Variants in MECOM observed in about 807,000 individuals in gnomAD.
MECOM encodes MDS1 and EVI1 complex locus, also known as histone-lysine N-methyltransferase MECOM.
In MECOM, 13 loss-of-function variants were observed where a neutral mutation model predicts 116.3. The ratio of observed to expected loss-of-function variants is 0.11; its 90% CI spans 0.07 to 0.18. The LOEUF (loss-of-function observed/expected upper bound fraction) is 0.18. MECOM is among the 10% of genes least tolerant of loss of function. The probability of loss-of-function intolerance (pLI) is 1.00; values close to 1 mark genes in which losing one functional copy is unlikely to be tolerated. For synonymous variants in MECOM, 528 were observed against 535.2 expected (o/e 0.99, Z 0.19); for missense variants, 1,299 against 1,509.0 (o/e 0.86, Z 2.31).
chr3:169,512,371 C>T (rs1756081165), intron 1 of MECOM, among the ~76,000 whole-genome samples: 1 of 152,194 alleles, frequency 6.6e-6, no homozygotes, highest in Non-Finnish European at 1.5e-5. Flanking sequence ...ATTGTTCAGA[C>T]TTAGCCCTAT....
intron 1 of MECOM, among the ~76,000 whole-genome samples, chr3:169,500,306 A>T (rs1222775680): frequency 1.3e-5 from 2 of 152,024 alleles, no homozygotes; most frequent in African/African-American, 2.4e-5. Context: ...AAATAGGTAC[A>T]TACTCCTGTA....
intron 1 of MECOM, among the ~76,000 whole-genome samples, chr3:169,574,558 C>A (rs1764266345): frequency 6.6e-6 from 1 of 152,232 alleles, no homozygotes; most frequent in African/African-American, 2.4e-5. Context: ...TGAATGGCAT[C>A]ATTCCAAGCA....
At chr3:169,640,562 G>A (rs775368730) in intron 1 of MECOM, among the ~76,000 whole-genome samples, 6 of 152,218 alleles carry the variant, frequency 3.9e-5, no homozygotes, top group Non-Finnish European at 8.8e-5. Flanking sequence ...TCTGTAAGGG[G>A]TGGTGGTAAC....
At chr3:169,231,308 C>A (rs1163400827) in intron 2 of MECOM, among the ~76,000 whole-genome samples, 1 of 152,086 alleles carries the variant, frequency 6.6e-6, no homozygotes, top group African/African-American at 2.4e-5. Context: ...CCTACTTGCA[C>A]CAGACACCAG....
rs959709182 is a variant in MECOM, at chr3:169,581,235, T to C, written c.37+82101A>G. Among the ~76,000 whole-genome samples the C allele has an allele frequency of 2.6e-5, 4 of 152,284 alleles. No homozygotes were observed. The East Asian group carries it at 5.8e-4, about 22-fold the overall frequency. On this transcript the variant is annotated intron_variant, in intron 1 of 16. Coordinates refer to ENST00000651503, the MANE Select transcript of MECOM (RefSeq NM_004991.4). ...TTGTCCAAATGAGTCCTGGGAAAGA[T>C]GGTTTTCTTCTTATCTCTGATCTTC...
chr3:169,256,018 A>T (rs1457567044), intron 2 of MECOM, among the ~76,000 whole-genome samples: 1 of 152,206 alleles, frequency 6.6e-6, no homozygotes, highest in African/African-American at 2.4e-5. Flanking sequence ...CTCAAAAAAA[A>T]TTTGAAAGAT....
intron 2 of MECOM, among the ~76,000 whole-genome samples, chr3:169,354,218 A>T (rs916211593): frequency 1.3e-5 from 2 of 151,904 alleles, no homozygotes. Flanking sequence ...AAAAATCTCA[A>T]ACCCCAGTAA....
chr3:169,628,793 T>C (rs751512153), intron 1 of MECOM, among the ~76,000 whole-genome samples: 12 of 152,158 alleles, frequency 7.9e-5, no homozygotes, highest in Non-Finnish European at 1.8e-4. Context: ...TCCCTGTCCA[T>C]GCTAGAGATA....
At chr3:169,524,394 TAAA>T (rs1180061111) in intron 1 of MECOM, among the ~76,000 whole-genome samples, 2 of 151,916 alleles carry the variant, frequency 1.3e-5, no homozygotes, top group Admixed American at 6.6e-5. Flanking sequence ...TAAACAAACT[TAAA>T]AAAGGAAGAA....
At chr3:169,662,066 C>T (rs1776352286) in intron 1 of MECOM, among the ~76,000 whole-genome samples, 1 of 152,236 alleles carries the variant, frequency 6.6e-6, no homozygotes, top group South Asian at 2.1e-4. Flanking sequence ...GTCCTGTCGT[C>T]TACAGTCCTG....
At chr3:169,155,944 T>G (rs1359013773) in intron 2 of MECOM, among the ~76,000 whole-genome samples, 3 of 152,186 alleles carry the variant, frequency 2.0e-5, no homozygotes, top group African/African-American at 7.2e-5. Context: ...TTCTTGAAAT[T>G]TTTACAGTAT....
chr3:169,389,587 C>T, intron 1 of MECOM: 1 of 985,346 alleles, frequency 1.0e-6, no homozygotes, highest in South Asian at 4.7e-5. Context: ...TCTTCATAAG[C>T]TTTCTATGTC....
At chr3:169,230,841 T>C (rs1317794837) in intron 2 of MECOM, among the ~76,000 whole-genome samples, 1 of 152,184 alleles carries the variant, frequency 6.6e-6, no homozygotes, top group Non-Finnish European at 1.5e-5. Flanking sequence ...TACAGAATTG[T>C]TTATCTTGCC....
intron 1 of MECOM, among the ~76,000 whole-genome samples, chr3:169,470,694 C>T (rs572258469): frequency 1.1e-4 from 16 of 152,038 alleles, no homozygotes; most frequent in Middle Eastern, 3.4e-3. Flanking sequence ...TAAGTCAAAA[C>T]GGGAAGAAAT....
intron 3 of MECOM, chr3:169,131,832 A>T: frequency 1.2e-6 from 1 of 811,080 alleles, no homozygotes. Flanking sequence ...GTAATGTTTA[A>T]CGAAGAACTT....
intron 2 of MECOM, among the ~76,000 whole-genome samples, chr3:169,194,175 A>G (rs1748088825): frequency 6.6e-6 from 1 of 152,054 alleles, no homozygotes; most frequent in African/African-American, 2.4e-5. Context: ...ATAAAGGACC[A>G]ACAAGGTACC....
At chr3:169,113,379 A>G (rs1728060269) in intron 8 of MECOM, among the ~76,000 whole-genome samples, 1 of 151,152 alleles carries the variant, frequency 6.6e-6, no homozygotes, top group Non-Finnish European at 1.5e-5. Context: ...CTCTCTCTCA[A>G]TATATATTTA....
chr3:169,249,823 T>C (rs1756031669), intron 2 of MECOM, among the ~76,000 whole-genome samples: 1 of 152,152 alleles, frequency 6.6e-6, no homozygotes, highest in South Asian at 2.1e-4. Flanking sequence ...TTACTGGTAA[T>C]GAAACAACAG....
chr3:169,490,906 T>C (rs1753011590), intron 1 of MECOM, among the ~76,000 whole-genome samples: 2 of 152,182 alleles, frequency 1.3e-5, no homozygotes, highest in African/African-American at 4.8e-5. Context: ...TGTTTTTTTG[T>C]AGTGACAGGG....
Sources: gnomAD v4.1 joint callset for allele counts (sites outside exome capture counted in the v4.1 genomes callset) on GRCh38, gnomAD v4.1.1 for gene constraint, MANE v1.5 for transcripts, NCBI Gene and HGNC (gene_info 2026-07-23, HGNC 2026-07-21) for gene names.